The following PVT1 variants were observed in gnomAD, a reference collection of about 807,000 sequenced individuals.
The protein encoded by PVT1 is CXCR4/PVT1 fusion.
At chr8:127,956,876 C>T (rs923536248) in intron 3 of PVT1, among the ~76,000 whole-genome samples, 1 of 152,204 alleles carries the variant, frequency 6.6e-6, no homozygotes, top group South Asian at 2.1e-4. Flanking sequence ...TTAGCAGAAG[C>T]TTGTTCTTAT....
chr8:127,819,121 G>A (rs1814700035), intron 2 of PVT1, among the ~76,000 whole-genome samples: 1 of 152,178 alleles, frequency 6.6e-6, no homozygotes, highest in African/African-American at 2.4e-5. Flanking sequence ...TAGGCACACT[G>A]GTACTGGGGC....
intron 2 of PVT1, among the ~76,000 whole-genome samples, chr8:127,799,572 G>A (rs1227941624): frequency 6.6e-6 from 1 of 152,140 alleles, no homozygotes; most frequent in Non-Finnish European, 1.5e-5. Context: ...AAAACAGACA[G>A]TAGCAGGAGG....
chr8:127,958,808 T>C (rs1322742438), intron 3 of PVT1, among the ~76,000 whole-genome samples: 1 of 152,136 alleles, frequency 6.6e-6, no homozygotes, highest in African/African-American at 2.4e-5. Context: ...ATAACAATAG[T>C]AGCACGAATG....
chr8:127,830,582 C>G (rs1368677408), intron 2 of PVT1, among the ~76,000 whole-genome samples: 1 of 152,004 alleles, frequency 6.6e-6, no homozygotes, highest in African/African-American at 2.4e-5. Context: ...ATAAGGGAAT[C>G]AAGAATGACT....
intron 3 of PVT1, among the ~76,000 whole-genome samples, chr8:127,955,750 T>C (rs1816561068): frequency 6.6e-6 from 1 of 151,690 alleles, no homozygotes; most frequent in South Asian, 2.1e-4. Flanking sequence ...ACCCTGCTAA[T>C]TTTTTTTTAT....
At chr8:127,899,446 A>C (rs1031332441) in intron 3 of PVT1, among the ~76,000 whole-genome samples, 2 of 152,178 alleles carry the variant, frequency 1.3e-5, no homozygotes, top group Non-Finnish European at 1.5e-5. Flanking sequence ...CAGCTCAGGC[A>C]GTTCTTGGGA....
chr8:127,821,228 G>A (rs1252329996), intron 2 of PVT1, among the ~76,000 whole-genome samples: 1 of 152,170 alleles, frequency 6.6e-6, no homozygotes, highest in Non-Finnish European at 1.5e-5. Context: ...GCTTCTTCAA[G>A]TAGTAGCTAG....
chr8:127,924,901 GC>G (rs1816110882), intron 3 of PVT1, among the ~76,000 whole-genome samples: 1 of 152,060 alleles, frequency 6.6e-6, no homozygotes, highest in Non-Finnish European at 1.5e-5. Context: ...ACCCACCTCG[GC>G]CTCCCTTAGT....
At chr8:128,016,752 A>G (rs1247904509) in intron 4 of PVT1, among the ~76,000 whole-genome samples, 2 of 152,206 alleles carry the variant, frequency 1.3e-5, no homozygotes, top group African/African-American at 4.8e-5. Flanking sequence ...TACCCAGGTG[A>G]CACGACATGG....
At chr8:128,090,140 T>C (rs1044356973) in intron 5 of PVT1, among the ~76,000 whole-genome samples, 4 of 152,234 alleles carry the variant, frequency 2.6e-5, no homozygotes, top group East Asian at 3.8e-4. Flanking sequence ...AGTGGGGAGA[T>C]ACTTTGCAGA....
intron 4 of PVT1, among the ~76,000 whole-genome samples, chr8:128,011,626 A>G (rs1488543402): frequency 1.3e-5 from 2 of 152,178 alleles, no homozygotes; most frequent in Non-Finnish European, 2.9e-5. Flanking sequence ...GGTGCAGTCT[A>G]TTATTGCCTT....
chr8:127,944,554 A>T (rs1234475033), intron 3 of PVT1, among the ~76,000 whole-genome samples: 27 of 145,514 alleles, frequency 1.9e-4, no homozygotes, highest in Admixed American at 2.7e-4. Flanking sequence ...CAGTTGTCCC[A>T]TTTTTTTTTT....
intron 4 of PVT1, among the ~76,000 whole-genome samples, chr8:128,003,161 C>CATT (rs531624330): frequency 7.8e-6 from 1 of 128,044 alleles, no homozygotes; most frequent in Non-Finnish European, 1.6e-5. Flanking sequence ...ACCACCACAC[C>CATT]TTTTTTTTTT....
At chr8:127,993,904 G>T (rs1817073620) in intron 4 of PVT1, among the ~76,000 whole-genome samples, 4 of 152,158 alleles carry the variant, frequency 2.6e-5, no homozygotes, top group Non-Finnish European at 4.4e-5. Context: ...AAGCCACTGT[G>T]CTTTCTCTGA....
chr8:128,040,513 T>A (rs57065824), intron 4 of PVT1, among the ~76,000 whole-genome samples: 2,269 of 152,212 alleles, frequency 0.015, 68 homozygotes, highest in African/African-American at 0.051. Flanking sequence ...TTCTGGAAAA[T>A]CCTAACACAT....
chr8:127,810,801 A>G (rs1402028937), intron 2 of PVT1, among the ~76,000 whole-genome samples: 1 of 151,638 alleles, frequency 6.6e-6, no homozygotes, highest in Non-Finnish European at 1.5e-5. Flanking sequence ...CTTCTAATGA[A>G]CTCCTACCTA....
chr8:127,957,566 CAAAA>C (rs56796489), intron 3 of PVT1, among the ~76,000 whole-genome samples: 2,011 of 91,762 alleles, frequency 0.022, 40 homozygotes, highest in African/African-American at 0.073. Context: ...GACTCCGTCT[CAAAA>C]AAAAAAAAAA....
At chr8:127,801,177 A>C (rs1814461505) in intron 2 of PVT1, among the ~76,000 whole-genome samples, 1 of 152,220 alleles carries the variant, frequency 6.6e-6, no homozygotes, top group South Asian at 2.1e-4. Context: ...GAGAGCCTGC[A>C]GGGCATTCCA....
rs376780356 is a variant in PVT1 at position 128,061,171 on chromosome 8, A to C, written n.913-8989A>C. On this transcript the variant is annotated intron_variant and non_coding_transcript_variant, in intron 4 of 10. Transcript: ENST00000651587. ...GTGATCTGCCCCTTTCGGCCTCCAA[A>C]ATGCTGGGATTACAGACGTGAGCCA... Among the ~76,000 whole-genome samples, 2 of 152,280 alleles carry C rather than the reference A, an allele frequency of 1.3e-5. 1 individual carries two copies. The highest frequency in any genetic ancestry group is 1.3e-4 in the Admixed American group (2 of 15,300).
Sources: gnomAD v4.1 joint callset for allele counts (sites outside exome capture counted in the v4.1 genomes callset) on GRCh38, gnomAD v4.1.1 for gene constraint, MANE v1.5 for transcripts, NCBI Gene and HGNC (gene_info 2026-07-23, HGNC 2026-07-21) for gene names.